Variants in DYM observed in about 807,000 individuals in gnomAD.
The protein encoded by DYM is dyggve-Melchior-Clausen syndrome protein.
In DYM, 78 loss-of-function variants were observed where a neutral mutation model predicts 93.1. The ratio of observed to expected loss-of-function variants is 0.84; its 90% CI spans 0.70 to 1.01. DYM has a LOEUF of 1.01. DYM is among the 50% of genes least tolerant of loss of function. DYM has a pLI of 0.00. For missense variants in DYM, 789 were observed against 845.0 expected (o/e 0.93, Z 0.82); for synonymous variants, 321 against 319.7 (o/e 1.00, Z -0.04).
intron 13 of DYM, among the ~76,000 whole-genome samples, chr18:49,232,684 C>G (rs1166305420): frequency 6.8e-6 from 1 of 147,310 alleles, no homozygotes; most frequent in Non-Finnish European, 1.5e-5. Context: ...TCTCGGCTCA[C>G]TGCAACCTCT....
intron 16 of DYM, among the ~76,000 whole-genome samples, chr18:49,102,025 T>C (rs1226924487): frequency 2.0e-5 from 3 of 152,220 alleles, no homozygotes; most frequent in Non-Finnish European, 2.9e-5. Flanking sequence ...TTAGAGAACT[T>C]ACCTGGTGTC....
intron 2 of DYM, among the ~76,000 whole-genome samples, chr18:49,393,999 G>C (rs1168397980): frequency 6.6e-6 from 1 of 152,112 alleles, no homozygotes; most frequent in African/African-American, 2.4e-5. Context: ...TAGGGAACTA[G>C]TGTTTAGTCA....
chr18:49,378,061 C>T (rs2067681562), intron 5 of DYM, among the ~76,000 whole-genome samples: 1 of 152,174 alleles, frequency 6.6e-6, no homozygotes, highest in Non-Finnish European at 1.5e-5. Flanking sequence ...AAAGATGAGA[C>T]ACTTTGGCAT....
chr18:49,417,347 G>A (rs192575187), intron 2 of DYM, among the ~76,000 whole-genome samples: 3 of 151,932 alleles, frequency 2.0e-5, no homozygotes, highest in East Asian at 1.9e-4. Context: ...TGGGGGTCTC[G>A]CCATGTTGCC....
intron 14 of DYM, among the ~76,000 whole-genome samples, chr18:49,184,302 G>T (rs556097583): frequency 2.5e-4 from 38 of 151,858 alleles, no homozygotes; most frequent in Admixed American, 6.6e-4. Context: ...GCTTGAAAGA[G>T]TATTGTCACT....
chr18:49,123,904 T>A (rs1275378330), intron 15 of DYM, among the ~76,000 whole-genome samples: 2 of 152,208 alleles, frequency 1.3e-5, no homozygotes, highest in Non-Finnish European at 1.5e-5. Context: ...ATGGTATGAC[T>A]ACTTTAGAAA....
At chr18:49,369,048 G>A (rs549864214) in intron 5 of DYM, among the ~76,000 whole-genome samples, 11 of 152,356 alleles carry the variant, frequency 7.2e-5, no homozygotes, top group South Asian at 6.2e-4. Flanking sequence ...GCCAAACGGC[G>A]GTTCCCACTG....
At chr18:49,316,498 G>T (rs568489376) in intron 8 of DYM, among the ~76,000 whole-genome samples, 29 of 152,146 alleles carry the variant, frequency 1.9e-4, no homozygotes, top group Middle Eastern at 6.8e-3. Flanking sequence ...TGATACTTAC[G>T]CAAGCATTTA....
chr18:49,303,705 G>C (rs927084126), intron 8 of DYM, among the ~76,000 whole-genome samples: 9 of 152,212 alleles, frequency 5.9e-5, no homozygotes, highest in Admixed American at 1.3e-4. Flanking sequence ...AAGGACCACA[G>C]ACAGGCCAAA....
At chr18:49,168,465 G>A (rs2088201285) in intron 14 of DYM, among the ~76,000 whole-genome samples, 1 of 152,170 alleles carries the variant, frequency 6.6e-6, no homozygotes, top group Non-Finnish European at 1.5e-5. Context: ...CAGTCCAAAC[G>A]GGAACACGCT....
intron 16 of DYM, among the ~76,000 whole-genome samples, chr18:49,107,593 G>A (rs918816736): frequency 6.6e-6 from 1 of 152,120 alleles, no homozygotes; most frequent in Non-Finnish European, 1.5e-5. Flanking sequence ...TGGTGTGGAT[G>A]TCCTTTCTGT....
chr18:49,373,830 C>T (rs1219755303), intron 5 of DYM, among the ~76,000 whole-genome samples: 1 of 152,086 alleles, frequency 6.6e-6, no homozygotes, highest in African/African-American at 2.4e-5. Flanking sequence ...TGAGGATAAA[C>T]ATTCACTCCA....
At chr18:49,441,300 T>A (rs1568455085) in intron 1 of DYM, among the ~76,000 whole-genome samples, 42 of 41,794 alleles carry the variant, frequency 1.0e-3, no homozygotes, top group Non-Finnish European at 1.5e-3. Flanking sequence ...ATAATATAAT[T>A]ATATATAATT....
intron 13 of DYM, among the ~76,000 whole-genome samples, chr18:49,221,348 C>A (rs1336210892): frequency 6.6e-6 from 1 of 152,008 alleles, no homozygotes; most frequent in African/African-American, 2.4e-5. Context: ...GTCGGTGTGG[C>A]GATTCCTCAG....
chr18:49,162,290 A>G (rs1269638809), intron 15 of DYM, among the ~76,000 whole-genome samples: 1 of 152,144 alleles, frequency 6.6e-6, no homozygotes, highest in Non-Finnish European at 1.5e-5. Flanking sequence ...TATAAAGAAA[A>G]AGGAATTTAT....
At chr18:49,365,561 A>G (rs1394044703) in intron 5 of DYM, among the ~76,000 whole-genome samples, 1 of 152,220 alleles carries the variant, frequency 6.6e-6, no homozygotes, top group Non-Finnish European at 1.5e-5. Flanking sequence ...ATTTGTTGGT[A>G]TGTAATATAT....
chr18:49,037,191 A>C lies in DYM; in HGVS notation c.*6864T>G, dbSNP rs1279376016. Among the ~76,000 whole-genome samples the C allele has an allele frequency of 6.6e-6, 1 of 151,940 alleles. No homozygotes were observed. Among genetic ancestry groups the C allele is most frequent in the African/African-American group, 2.4e-5 (1 of 41,220 alleles). ...TGTGAGCCAACATGCCCAGCCAATG[A>C]GTCCTCTTAATCCTTTTAAATAACC... On this transcript the variant is annotated 3_prime_UTR_variant, in exon 18 of 18. Transcript: ENST00000675505.
intron 6 of DYM, among the ~76,000 whole-genome samples, chr18:49,341,491 C>CAAAAAAAAAAAA (rs10578063): frequency 1.5e-5 from 1 of 64,920 alleles, no homozygotes; most frequent in Non-Finnish European, 2.7e-5. Context: ...GACTCCATCG[C>CAAAAAAAAAAAA]AAAAAAAAAA....
chr18:49,386,545 G>A (rs2068643120), intron 3 of DYM, among the ~76,000 whole-genome samples: 1 of 152,090 alleles, frequency 6.6e-6, no homozygotes, highest in Admixed American at 6.5e-5. Flanking sequence ...TCAAATTGAG[G>A]AACGTTTTGG....
Sources: gnomAD v4.1 joint callset for allele counts (sites outside exome capture counted in the v4.1 genomes callset) on GRCh38, gnomAD v4.1.1 for gene constraint, MANE v1.5 for transcripts, NCBI Gene and HGNC (gene_info 2026-07-23, HGNC 2026-07-21) for gene names.